The following ZNF395 variants were observed in gnomAD, a reference collection of about 807,000 sequenced individuals.
ZNF395 encodes the protein zinc finger protein 395.
In ZNF395, 20 loss-of-function variants were observed where a neutral mutation model predicts 57.7. The observed-to-expected ratio is 0.35, with a 90% CI of 0.24 to 0.50. The LOEUF is 0.50. Ranked by LOEUF, ZNF395 falls within the 20% of genes least tolerant of loss-of-function variation. ZNF395 has a pLI of 0.97. For synonymous variants in ZNF395, 295 were observed against 275.9 expected, an observed-to-expected ratio of 1.07 and a Z score of -0.69; for missense variants, 606 against 671.2, an observed-to-expected ratio of 0.90 and a Z score of 1.07.
chr8:28,349,031 A>C, intron 9 of ZNF395, 94 bp downstream of exon 9: 1 of 1,321,104 alleles, frequency 7.6e-7, no homozygotes, highest in Non-Finnish European at 1.1e-6. Context: ...CTGGGGACTA[A>C]CCCTGGTGAC....
In ZNF395 at chr8:28,359,621, G is replaced by C. The variant is rs145503959; in HGVS notation, c.444C>G (p.Pro148=). ...EPGAQALAYR[P]VSRNIDVPKR... Reference sequence around the variant, plus strand: ...TTGGGACATCGATGTTCCTGGAGACGGGCCTGTAGGCCAGGGCCTGGGCTC... The same window carrying C: ...TTGGGACATCGATGTTCCTGGAGACCGGCCTGTAGGCCAGGGCCTGGGCTC... Residue 148 remains proline, a synonymous_variant, in exon 3 of 10, where the codon CCC becomes CCG. Coordinates refer to ENST00000344423, the MANE Select transcript of ZNF395 (RefSeq NM_018660.3). The surrounding 1 kb of genome is among the most constrained non-coding windows in gnomAD (Gnocchi z 4.7). 31 of 1,606,602 alleles carry C rather than the reference G, an allele frequency of 1.9e-5. No individual in the cohort carries two copies. Among genetic ancestry groups the C allele is most frequent in the Non-Finnish European group, 2.6e-5 (31 of 1,175,164 alleles).
chr8:28,379,858 A>G (rs1204448324), intron 1 of ZNF395, among the ~76,000 whole-genome samples: 1 of 151,370 alleles, frequency 6.6e-6, no homozygotes, highest in African/African-American at 2.4e-5. Flanking sequence ...AAAAAAAAAA[A>G]GCTGCATGCC....
intron 4 of ZNF395, among the ~76,000 whole-genome samples, chr8:28,355,026 A>C (rs1396501311): frequency 6.6e-6 from 1 of 152,078 alleles, no homozygotes; most frequent in Non-Finnish European, 1.5e-5. Flanking sequence ...CAAAACATAA[A>C]GCAAAACGTT....
At chr8:28,380,744 T>C (rs145851009) in intron 1 of ZNF395, among the ~76,000 whole-genome samples, 16 of 152,292 alleles carry the variant, frequency 1.1e-4, no homozygotes, top group Non-Finnish European at 2.4e-4. Context: ...AGACAGGAAA[T>C]AGATTTAATT....
At chr8:28,386,101 CCTGCCCGCCCTCCCGGCGCGGCCCG>C (rs1255590057) in intron 1 of ZNF395, 1 of 147,262 alleles carries the variant, frequency 6.8e-6, no homozygotes, top group Non-Finnish European at 1.5e-5. Flanking sequence ...CGGCCGCGGC[CCTGCCCGCCCTCCCGGCGCGGCCCG>C]CGGCCCGGCT....
chr8:28,369,412 A>G (rs1329753067), intron 1 of ZNF395, among the ~76,000 whole-genome samples: 1 of 152,202 alleles, frequency 6.6e-6, no homozygotes, highest in Non-Finnish European at 1.5e-5. Flanking sequence ...TTAACATGTC[A>G]TAAAAAGGCA....
chr8:28,359,931 T>C lies in ZNF395; in HGVS notation c.241-107A>G, dbSNP rs1004283069. ...GCCAGGATCTGCCTGCCACAAACCA[T>C]GTTCTCTGCCTCACTCATCTTTTAT... On this transcript the variant is annotated intron_variant, in intron 2 of 9. Coordinates refer to ENST00000344423, the MANE Select transcript of ZNF395 (RefSeq NM_018660.3). This position sits in a 1 kb window ranked among gnomAD's most constrained non-coding sequence, Gnocchi z 4.7. 2.7e-6 allele frequency: 4 copies of C among 1,473,646 alleles called. No individual in the cohort carries two copies. The highest frequency in any genetic ancestry group is 1.4e-5 in the South Asian group (1 of 73,140). 91.3% of individuals were successfully genotyped at this position (1,473,646 alleles called of 1,614,324 possible).
Position 28,349,189 on chromosome 8 carries a change from G to A in ZNF395, c.1366C>T (p.Pro456Ser). 1 of 1,562,702 alleles carries A rather than the reference G, an allele frequency of 6.4e-7. No individual in the cohort carries two copies. The highest frequency in any genetic ancestry group is 2.3e-5 in the East Asian group (1 of 44,078). Reference protein sequence around the residue: ...RSLSFSEPQQPAPAMKSHLIV... With the variant: ...RSLSFSEPQQSAPAMKSHLIV... ...AGATGAGATTTCATCGCAGGTGCTG[G>A]CTGCTGGGGCTCGCTGAAGCTTAGC... is the stretch of plus-strand genomic sequence containing the variant. Residue 456 changes from proline to serine, a missense_variant, in exon 9 of 10, where the codon CCA (proline) becomes TCA (serine). Transcript: ENST00000344423.
At chr8:28,385,038 G>A (rs997678365) in intron 1 of ZNF395, 1 of 152,308 alleles carries the variant, frequency 6.6e-6, no homozygotes, top group Non-Finnish European at 1.5e-5. Context: ...CAACGCCTAG[G>A]GAGGGTGTCA....
rs1229442488 is a variant in ZNF395 at position 28,352,665 on chromosome 8, C to G, written c.828G>C (p.Val276=). The G allele has an allele frequency of 6.2e-7, 1 of 1,613,954 alleles. No homozygotes were observed. The highest frequency in any genetic ancestry group is 8.5e-7 in the Non-Finnish European group (1 of 1,179,828). The part of the protein sequence containing the change: ...EPAPRKRKNS[V]KVMYKCLWPN... ...GCCACAGGCACTTGTACATCACCTT[C>G]ACAGAGTTCTACAGGAAAGGAAGAC... The change falls in exon 6 of 10, where the codon GTG becomes GTC. Residue 276 remains valine (V), a synonymous_variant. Transcript: ENST00000344423. This position sits in a 1 kb window ranked among gnomAD's most constrained non-coding sequence, Gnocchi z 4.0.
Position 28,360,927 on chromosome 8 carries a change from G to A in ZNF395, c.198C>T (p.Ser66=). Residue 66 remains serine, a synonymous_variant, in exon 2 of 10, where the codon AGC becomes AGT. Coordinates refer to ENST00000344423, the MANE Select transcript of ZNF395 (RefSeq NM_018660.3). ...AGGCCACCTGCTGAAGGCCCGAGGTGCTGGGAGCCTTAAGGACTTCCTTGG... is the reference window on the plus strand; with the variant it reads ...AGGCCACCTGCTGAAGGCCCGAGGTACTGGGAGCCTTAAGGACTTCCTTGG... ...EQPKEVLKAP[S]TSGLQQVAFQ... 1 of 1,614,014 alleles carries A rather than the reference G, an allele frequency of 6.2e-7. No individual in the cohort carries two copies. The highest frequency in any genetic ancestry group is 8.5e-7 in the Non-Finnish European group (1 of 1,180,000).
At chr8:28,381,478 C>A (rs78762781) in intron 1 of ZNF395, among the ~76,000 whole-genome samples, 1 of 152,170 alleles carries the variant, frequency 6.6e-6, no homozygotes, top group Non-Finnish European at 1.5e-5. Context: ...CCACTACAGC[C>A]GGATCAGTAT....
At chr8:28,367,953 G>A (rs1585859973) in intron 1 of ZNF395, among the ~76,000 whole-genome samples, 1 of 152,220 alleles carries the variant, frequency 6.6e-6, no homozygotes, top group Admixed American at 6.5e-5. Flanking sequence ...AAGGAAGCAG[G>A]TATAAGCAGG....
chr8:28,379,017 A>G (rs924186145), intron 1 of ZNF395, among the ~76,000 whole-genome samples: 1 of 152,248 alleles, frequency 6.6e-6, no homozygotes, highest in Non-Finnish European at 1.5e-5. Context: ...TCATGTAATC[A>G]TGCCATAAAT....
chr8:28,356,634 C>A lies in ZNF395; in HGVS notation c.583+36G>T. On this transcript the variant is annotated intron_variant, in intron 4 of 9. Coordinates refer to ENST00000344423, the MANE Select transcript of ZNF395 (RefSeq NM_018660.3). The surrounding 1 kb of genome is among the most constrained non-coding windows in gnomAD (Gnocchi z 4.0). Reference sequence around the variant, plus strand: ...AGAGGATGTTTGTCGTGGGCCTCTACCATGCCCAGAACCCAGCTGGGCCCC... The same window carrying A: ...AGAGGATGTTTGTCGTGGGCCTCTAACATGCCCAGAACCCAGCTGGGCCCC... 1 of 1,541,520 alleles carries A rather than the reference C, an allele frequency of 6.5e-7. No individual in the cohort carries two copies. Among genetic ancestry groups the A allele is most frequent in the Non-Finnish European group, 9.0e-7 (1 of 1,116,910 alleles).
chr8:28,372,341 C>T (rs967355091), intron 1 of ZNF395, among the ~76,000 whole-genome samples: 18 of 152,028 alleles, frequency 1.2e-4, no homozygotes, highest in East Asian at 1.9e-4. Flanking sequence ...CAAAAGTGCG[C>T]GATAAATGCT....
chr8:28,370,143 T>C (rs970635011), intron 1 of ZNF395, among the ~76,000 whole-genome samples: 5 of 152,188 alleles, frequency 3.3e-5, no homozygotes, highest in African/African-American at 9.6e-5. Flanking sequence ...TGAATATCCA[T>C]GTGAACATTT....
chr8:28,380,961 G>A (rs1234018142), intron 1 of ZNF395, among the ~76,000 whole-genome samples: 1 of 150,774 alleles, frequency 6.6e-6, no homozygotes, highest in Non-Finnish European at 1.5e-5. Flanking sequence ...CAAGCCTCCC[G>A]CCTCAGCCTC....
chr8:28,386,164 T>C lies in ZNF395; in HGVS notation c.-59+229A>G, dbSNP rs1052868010. On this transcript the variant is annotated intron_variant, in intron 1 of 9. Coordinates refer to ENST00000344423, the MANE Select transcript of ZNF395 (RefSeq NM_018660.3). ...GCTCCGGCCGCCCGCCGAGGCTCGG[T>C]TGGCGCCCACCTGGCCGGCCTGCCC... 6 of 147,708 alleles carry C rather than the reference T, an allele frequency of 4.1e-5. No individual in the cohort carries two copies. The East Asian group carries it at 6.0e-4, about 15-fold the overall frequency. The allele number at this position is 147,708 out of a possible 1,614,324, so 9.1% of individuals were successfully genotyped here.
Sources: allele counts gnomAD v4.1 joint callset (sites outside exome capture counted in the v4.1 genomes callset), GRCh38; gene constraint gnomAD v4.1.1; non-coding constraint Gnocchi (gnomAD v3.1); transcripts MANE v1.5; gene names NCBI Gene and HGNC (gene_info 2026-07-23, HGNC 2026-07-21).